Variants in FSTL5 observed in about 807,000 individuals in gnomAD.
FSTL5 encodes follistatin like 5, also known as follistatin-related protein 5.
A neutral mutation model predicts 89.1 loss-of-function variants in FSTL5; 62 were observed. The ratio of observed to expected loss-of-function variants is 0.70; its 90% confidence interval spans 0.57 to 0.86. The LOEUF (loss-of-function observed/expected upper bound fraction) is 0.86. Among genes scored for constraint, FSTL5 ranks in the 40% least tolerant of loss-of-function variants. The probability of loss-of-function intolerance (pLI) is 0.00; values close to 1 mark genes in which losing one functional copy is unlikely to be tolerated. For missense variants in FSTL5, 1,057 were observed against 1,001.6 expected (o/e 1.06, Z -0.75); for synonymous variants, 383 against 346.2 (o/e 1.11, Z -1.18).
chr4:161,836,959 G>T (rs948801455), intron 4 of FSTL5, among the ~76,000 whole-genome samples: 1 of 151,984 alleles, frequency 6.6e-6, no homozygotes, highest in South Asian at 2.1e-4. Flanking sequence ...GTAATGAGTC[G>T]GGCCTGGGTG....
At chr4:161,658,155 T>A (rs189331394) in intron 6 of FSTL5, among the ~76,000 whole-genome samples, 1 of 152,166 alleles carries the variant, frequency 6.6e-6, no homozygotes, top group African/African-American at 2.4e-5. Context: ...TTTATTTCAA[T>A]GCTTCCTGAG....
intron 6 of FSTL5, among the ~76,000 whole-genome samples, chr4:161,720,243 A>G (rs904957688): frequency 6.6e-6 from 1 of 151,984 alleles, no homozygotes; most frequent in Non-Finnish European, 1.5e-5. Context: ...ACATACAAAT[A>G]GCGTACAGAT....
intron 4 of FSTL5, among the ~76,000 whole-genome samples, chr4:161,865,735 A>G (rs1732063893): frequency 6.6e-6 from 1 of 152,180 alleles, no homozygotes; most frequent in African/African-American, 2.4e-5. Flanking sequence ...GTCAGGCTGC[A>G]TATTCTCCTT....
At chr4:161,809,329 T>A (rs1210437231) in intron 4 of FSTL5, among the ~76,000 whole-genome samples, 2 of 152,146 alleles carry the variant, frequency 1.3e-5, no homozygotes, top group Non-Finnish European at 2.9e-5. Context: ...AAATAATAAG[T>A]GTTGTCTAGG....
At chr4:161,568,064 C>T (rs1196632215) in intron 8 of FSTL5, among the ~76,000 whole-genome samples, 11 of 151,506 alleles carry the variant, frequency 7.3e-5, no homozygotes, top group Non-Finnish European at 1.5e-5. Flanking sequence ...GGCTCTGTCT[C>T]CGTGTGCTGA....
At chr4:161,513,735 G>A (rs1389195193) in intron 10 of FSTL5, among the ~76,000 whole-genome samples, 1 of 152,118 alleles carries the variant, frequency 6.6e-6, no homozygotes, top group African/African-American at 2.4e-5. Context: ...ACTAATGCAG[G>A]AACATTAAAA....
chr4:161,552,780 C>T (rs780705123), intron 8 of FSTL5, among the ~76,000 whole-genome samples: 12 of 151,674 alleles, frequency 7.9e-5, no homozygotes, highest in East Asian at 3.9e-4. Context: ...GGCATAACAA[C>T]TATTTAACCT....
At chr4:161,785,287 G>A (rs1459485668) in intron 4 of FSTL5, among the ~76,000 whole-genome samples, 1 of 152,140 alleles carries the variant, frequency 6.6e-6, no homozygotes, top group Non-Finnish European at 1.5e-5. Context: ...GCAAATTTAT[G>A]TGAAATTCTA....
At chr4:162,153,590 T>C (rs1425479106) in intron 1 of FSTL5, among the ~76,000 whole-genome samples, 3 of 144,164 alleles carry the variant, frequency 2.1e-5, no homozygotes, top group Admixed American at 7.2e-5. Flanking sequence ...AAAATAACTA[T>C]ATATATGTGT....
chr4:161,419,032 C>A (rs1356142818), intron 15 of FSTL5, among the ~76,000 whole-genome samples: 2 of 152,138 alleles, frequency 1.3e-5, no homozygotes, highest in Non-Finnish European at 2.9e-5. Flanking sequence ...GCATTATTCC[C>A]AAAACAGCTT....
At chr4:161,597,628 T>TA (rs547231802) in intron 7 of FSTL5, among the ~76,000 whole-genome samples, 137 of 146,274 alleles carry the variant, frequency 9.4e-4, no homozygotes, top group African/African-American at 3.0e-3. Flanking sequence ...TAAAGTATAA[T>TA]AAAAAAAATA....
At chr4:162,148,182 A>G (rs1427644612) in intron 1 of FSTL5, among the ~76,000 whole-genome samples, 2 of 152,206 alleles carry the variant, frequency 1.3e-5, no homozygotes, top group Admixed American at 6.5e-5. Flanking sequence ...AAATATATTA[A>G]CATTGAAGCT....
chr4:161,759,361 GC>G (rs1560829632), intron 6 of FSTL5, 49 bp downstream of exon 6: 12 of 1,545,612 alleles, frequency 7.8e-6, no homozygotes, highest in Non-Finnish European at 1.0e-5. Context: ...ATTGTGTAAA[GC>G]AACAGGAAAA....
In FSTL5 at chr4:161,414,681, CA is replaced by C. The variant is rs777664128; in HGVS notation, c.1842-28233del. Among the ~76,000 whole-genome samples the C allele has an allele frequency of 7.3e-4, 111 of 152,264 alleles. 1 individual carries two copies. Among genetic ancestry groups the C allele is most frequent in the Non-Finnish European group, 1.2e-3 (83 of 68,010 alleles). On this transcript the variant is annotated intron_variant, in intron 15 of 15. Transcript: ENST00000306100. ...AAGCCCATTAAAAACAACAAATCAGCAATCCCAAAAGCAAATTAACTGGCAG... is the reference window on the plus strand; with the variant it reads ...AAGCCCATTAAAAACAACAAATCAGCATCCCAAAAGCAAATTAACTGGCAG...
At chr4:161,954,897 T>C (rs1439904108) in intron 3 of FSTL5, among the ~76,000 whole-genome samples, 1 of 151,582 alleles carries the variant, frequency 6.6e-6, no homozygotes, top group Non-Finnish European at 1.5e-5. Context: ...TAAGACCAGA[T>C]ACTAAATGGG....
chr4:161,627,405 C>T (rs1037145387), intron 7 of FSTL5, among the ~76,000 whole-genome samples: 5 of 152,080 alleles, frequency 3.3e-5, no homozygotes, highest in Admixed American at 1.3e-4. Context: ...ATAATGCCAT[C>T]GTACTTAATA....
At chr4:161,825,201 T>C (rs1047577147) in intron 4 of FSTL5, among the ~76,000 whole-genome samples, 1 of 152,306 alleles carries the variant, frequency 6.6e-6, no homozygotes, top group Non-Finnish European at 1.5e-5. Flanking sequence ...CATTTATTGA[T>C]TGTGTATGTG....
intron 3 of FSTL5, among the ~76,000 whole-genome samples, chr4:162,020,275 T>C (rs1737034134): frequency 6.6e-6 from 1 of 152,026 alleles, no homozygotes; most frequent in African/African-American, 2.4e-5. Flanking sequence ...ACTTAAGTTG[T>C]TGAACAAAAC....
At chr4:161,720,994 T>C (rs1205040780) in intron 6 of FSTL5, among the ~76,000 whole-genome samples, 1 of 152,076 alleles carries the variant, frequency 6.6e-6, no homozygotes, top group Admixed American at 6.6e-5. Flanking sequence ...TTAAAATTTT[T>C]CTGGCCGGGC....
Sources: allele counts gnomAD v4.1 joint callset (sites outside exome capture counted in the v4.1 genomes callset), GRCh38; gene constraint gnomAD v4.1.1; transcripts MANE v1.5; gene names NCBI Gene and HGNC (gene_info 2026-07-23, HGNC 2026-07-21).